The following RBBP8 variants were observed in gnomAD, a reference collection of about 807,000 sequenced individuals.
The protein encoded by RBBP8 is RB binding protein 8, endonuclease.
In RBBP8, 88 loss-of-function variants were observed where a neutral mutation model predicts 108.3. The ratio of observed to expected loss-of-function variants is 0.81; its 90% CI spans 0.68 to 0.97. RBBP8 has a LOEUF of 0.97. Ranked by LOEUF, RBBP8 falls within the 50% of genes least tolerant of loss-of-function variation. RBBP8 has a pLI of 0.00. For synonymous variants in RBBP8, 332 were observed against 348.2 expected (o/e 0.95, Z 0.52); for missense variants, 1,023 against 1,049.0 (o/e 0.98, Z 0.34).
chr18:22,982,377 C>T lies in RBBP8; in HGVS notation c.588C>T (p.His196=), dbSNP rs751635303. 1.2e-6 allele frequency: 2 copies of T among 1,614,042 alleles called. No homozygotes were observed. Among genetic ancestry groups the T allele is most frequent in the South Asian group, 1.1e-5 (1 of 91,086 alleles). The change falls in exon 7 of 19, where the codon CAC becomes CAT. Residue 196 remains histidine, a synonymous_variant. Transcript: ENST00000327155. ...AACAAACACATACTAAATTGGAGCA[C>T]TCTGTGTGTGCAAATGGTAAGAGTT... ...YIEQTHTKLE[H]SVCANEMRKV... is the part of the protein sequence containing the mutation.
At chr18:22,947,494 C>G (rs1911665329) in intron 3 of RBBP8, among the ~76,000 whole-genome samples, 2 of 151,844 alleles carry the variant, frequency 1.3e-5, no homozygotes, top group Non-Finnish European at 2.9e-5. Flanking sequence ...TTTTCAAATA[C>G]AAGATTTACC....
chr18:22,916,363 T>C (rs1909354744), intron 2 of RBBP8, among the ~76,000 whole-genome samples: 1 of 152,062 alleles, frequency 6.6e-6, no homozygotes, highest in Admixed American at 6.6e-5. Context: ...ATGAATCCAA[T>C]ATCTCATTTT....
chr18:22,929,144 G>A (rs1180537397), upstream of RBBP8, among the ~76,000 whole-genome samples: 1 of 152,194 alleles, frequency 6.6e-6, no homozygotes, highest in Admixed American at 6.5e-5. Context: ...GGTTGGAAAG[G>A]AAAGCACTAA....
At chr18:22,974,983 C>A (rs544698473) in intron 5 of RBBP8, among the ~76,000 whole-genome samples, 170 bp from the exon 6 acceptor site, 55 of 152,260 alleles carry the variant, frequency 3.6e-4, no homozygotes, top group African/African-American at 1.3e-3. Context: ...GTACTCCCTA[C>A]CTAGTAACGA....
In RBBP8 at chr18:22,941,290, G is replaced by A. The variant is rs549333326; in HGVS notation, c.109+4330G>A. ...AGGTTGAAGCAGTTCTCCTGGCTCA[G>A]CCCCGCAAGTAGCTGGGACTACAGG... On this transcript the variant is annotated intron_variant, in intron 2 of 18. Coordinates refer to ENST00000327155, the MANE Select transcript of RBBP8 (RefSeq NM_002894.3). Among the ~76,000 whole-genome samples, 10 of 151,928 alleles carry A rather than the reference G, an allele frequency of 6.6e-5. No homozygotes were observed. The South Asian group carries it at 2.1e-3, about 32-fold the overall frequency.
chr18:22,924,365 G>C (rs1333429898), intron 3 of RBBP8, among the ~76,000 whole-genome samples: 4 of 152,072 alleles, frequency 2.6e-5, no homozygotes, highest in Non-Finnish European at 5.9e-5. Context: ...TTGACCTCAT[G>C]ATCTGCCTGC....
At chr18:23,001,483 G>C in intron 14 of RBBP8, 103 bp from the exon 15 acceptor site, 1 of 1,306,712 alleles carries the variant, frequency 7.7e-7, no homozygotes, top group Non-Finnish European at 1.1e-6. Flanking sequence ...GTGTCTTTAA[G>C]GACTGCATTC....
upstream of RBBP8, among the ~76,000 whole-genome samples, chr18:22,929,164 A>G (rs979885139): frequency 5.9e-5 from 9 of 152,204 alleles, no homozygotes; most frequent in Non-Finnish European, 1.2e-4. Context: ...ATTCAAAATT[A>G]TATTTAAGAG....
intron 15 of RBBP8, among the ~76,000 whole-genome samples, chr18:23,002,184 G>A (rs962038273): frequency 1.3e-5 from 2 of 152,138 alleles, no homozygotes; most frequent in African/African-American, 4.8e-5. Flanking sequence ...GAAGGCCAAG[G>A]CAGACAGATT....
chr18:22,941,462 G>T (rs1021080434), intron 2 of RBBP8, among the ~76,000 whole-genome samples: 5 of 152,068 alleles, frequency 3.3e-5, no homozygotes, highest in African/African-American at 1.2e-4. Context: ...AGGAGCCACT[G>T]TGCCTGGCTA....
intron 18 of RBBP8, among the ~76,000 whole-genome samples, chr18:23,022,669 A>AAAAC (rs1555650207): frequency 7.1e-6 from 1 of 141,050 alleles, no homozygotes; most frequent in Admixed American, 6.9e-5. Context: ...AAAATAAAAT[A>AAAAC]AATAACTGTA....
chr18:22,968,332 G>C (rs1229755139), intron 4 of RBBP8, among the ~76,000 whole-genome samples: 1 of 151,490 alleles, frequency 6.6e-6, no homozygotes, highest in Non-Finnish European at 1.5e-5. Context: ...CAGCCTCCCA[G>C]AGGGCTAAGA....
intron 13 of RBBP8, among the ~76,000 whole-genome samples, chr18:22,997,264 AAATTT>A (rs1251078858): frequency 1.4e-4 from 21 of 152,336 alleles, no homozygotes; most frequent in Admixed American, 3.3e-4. Flanking sequence ...GCCTATCAAG[AAATTT>A]AATTTAATTT....
upstream of RBBP8, chr18:22,929,501 TGTGTGTG>T (rs768076629): frequency 0.44 from 34,117 of 78,150 alleles, 5,625 homozygotes; most frequent in East Asian, 0.52. Context: ...TGTGTGTGTG[TGTGTGTG>T]TGAAGAGACA....
intron 2 of RBBP8, among the ~76,000 whole-genome samples, chr18:22,943,310 G>A (rs1911260830): frequency 6.6e-6 from 1 of 152,016 alleles, no homozygotes; most frequent in South Asian, 2.1e-4. Context: ...ATGGTGGTGT[G>A]TGCCTGTGGT....
intron 13 of RBBP8, among the ~76,000 whole-genome samples, chr18:22,997,012 A>C (rs2045871206): frequency 6.6e-6 from 1 of 152,260 alleles, no homozygotes; most frequent in Non-Finnish European, 1.5e-5. Flanking sequence ...AAATTAAAAT[A>C]ATGCAAAATG....
At chr18:22,949,524 C>A in intron 3 of RBBP8, 94 bp from the exon 4 acceptor site, 1 of 926,720 alleles carries the variant, frequency 1.1e-6, no homozygotes, top group Non-Finnish European at 1.7e-6. Flanking sequence ...TGTTTTGGTA[C>A]AAGAAATTTG....
chr18:22,947,807 A>T (rs1490622733), intron 3 of RBBP8, among the ~76,000 whole-genome samples: 1 of 152,040 alleles, frequency 6.6e-6, no homozygotes, highest in Non-Finnish European at 1.5e-5. Context: ...GCAATTAGTA[A>T]ATGCTCTTTA....
At chr18:22,926,684 C>T (rs1010626827) in intron 3 of RBBP8, among the ~76,000 whole-genome samples, 1 of 152,016 alleles carries the variant, frequency 6.6e-6, no homozygotes, top group Non-Finnish European at 1.5e-5. Flanking sequence ...AAAAGGGAAA[C>T]GAAGAAGGTA....
Sources: allele counts gnomAD v4.1 joint callset (sites outside exome capture counted in the v4.1 genomes callset), GRCh38; gene constraint gnomAD v4.1.1; transcripts MANE v1.5; gene names NCBI Gene and HGNC (gene_info 2026-07-23, HGNC 2026-07-21).